Variants in SGK1 observed in about 807,000 individuals in gnomAD.
SGK1 encodes the protein serine/threonine-protein kinase Sgk1.
A neutral mutation model predicts 64.2 loss-of-function variants in SGK1; 26 were observed. That is an observed-to-expected ratio of 0.40 (90% CI 0.30 to 0.56). The LOEUF is 0.56. SGK1 is among the 20% of genes least tolerant of loss of function. The probability of loss-of-function intolerance (pLI) is 0.38; values close to 1 mark genes in which losing one functional copy is unlikely to be tolerated. For synonymous variants in SGK1, 265 were observed against 239.7 expected, an observed-to-expected ratio of 1.11 and a Z score of -0.98; for missense variants, 519 against 645.6, an observed-to-expected ratio of 0.80 and a Z score of 2.12.
intron 3 of SGK1, among the ~76,000 whole-genome samples, chr6:134,195,866 G>A (rs1355809902): frequency 3.3e-5 from 5 of 152,086 alleles, no homozygotes; most frequent in African/African-American, 7.2e-5. Context: ...AAACAAGTTT[G>A]GGGTCCAGTA....
chr6:134,298,572 C>T, intron 1 of SGK1: 1 of 878,320 alleles, frequency 1.1e-6, no homozygotes, highest in Non-Finnish European at 1.9e-6. Flanking sequence ...GCTGCTGCTG[C>T]CCACTCAGGA....
In SGK1 at chr6:134,174,045, G is replaced by T. The variant is rs866870260; in HGVS notation, c.473C>A (p.Pro158His). 2 of 1,613,574 alleles carry T rather than the reference G, an allele frequency of 1.2e-6. No homozygotes were observed. The highest frequency in any genetic ancestry group is 1.7e-4 in the Middle Eastern group (1 of 6,058). Reference sequence around the variant, plus strand: ...GGCATTCATAAGCTCAGGCTCCTGAGGTTGGGAGATCTTCAAGATGGACTG... The same window carrying T: ...GGCATTCATAAGCTCAGGCTCCTGATGTTGGGAGATCTTCAAGATGGACTG... ...EVQSILKISQ[P>H]QEPELMNANP... Residue 158 changes from proline to histidine, a missense_variant, in exon 5 of 14, where the codon CCT (proline) becomes CAT (histidine). By Grantham distance (77) the Pro-to-His change is moderately conservative. Around this residue, in one of 2 missense-constraint regions of SGK1, gnomAD observed 241 missense variants for 236.9 expected, o/e 1.02. Coordinates refer to ENST00000367858, the MANE Select transcript of SGK1 (RefSeq NM_001143676.3).
At chr6:134,247,011 T>A (rs1020722764) in intron 2 of SGK1, among the ~76,000 whole-genome samples, 4 of 152,138 alleles carry the variant, frequency 2.6e-5, no homozygotes, top group African/African-American at 9.6e-5. Flanking sequence ...GTGATTTATT[T>A]TTTTTTTTAA....
chr6:134,229,968 T>C (rs1010730065), intron 2 of SGK1, among the ~76,000 whole-genome samples: 2 of 152,146 alleles, frequency 1.3e-5, no homozygotes, highest in African/African-American at 4.8e-5. Flanking sequence ...CTTAAAGCCA[T>C]TAAAAAGCCT....
At chr6:134,202,867 A>C (rs1241331077) in intron 3 of SGK1, among the ~76,000 whole-genome samples, 1 of 152,204 alleles carries the variant, frequency 6.6e-6, no homozygotes, top group African/African-American at 2.4e-5. Context: ...TATGACAGCT[A>C]TAATATAAAA....
At chr6:134,291,886 C>T (rs191885002) in intron 1 of SGK1, among the ~76,000 whole-genome samples, 1 of 152,132 alleles carries the variant, frequency 6.6e-6, no homozygotes, top group African/African-American at 2.4e-5. Flanking sequence ...CATGGTGAAA[C>T]TCCGTCTCTA....
At chr6:134,182,385 A>G (rs1403203618) in intron 3 of SGK1, among the ~76,000 whole-genome samples, 2 of 151,970 alleles carry the variant, frequency 1.3e-5, no homozygotes, top group African/African-American at 4.8e-5. Flanking sequence ...CGTCTCTACT[A>G]AAAATACAAA....
At chr6:134,313,477 T>C (rs1230338552) in intron 1 of SGK1, among the ~76,000 whole-genome samples, 1 of 152,078 alleles carries the variant, frequency 6.6e-6, no homozygotes, top group Non-Finnish European at 1.5e-5. Context: ...ATTTTGTTCC[T>C]ACTCTATTTG....
chr6:134,317,726 G>A lies in SGK1; in HGVS notation c.-266C>T, dbSNP rs1777708774. The A allele has an allele frequency of 4.9e-6, 2 of 406,260 alleles. No homozygotes were observed. Among genetic ancestry groups the A allele is most frequent in the African/African-American group, 2.0e-5 (1 of 49,188 alleles). 25.2% of individuals were successfully genotyped at this position (406,260 alleles called of 1,614,324 possible). On this transcript the variant is annotated 5_prime_UTR_variant, in exon 1 of 14. Coordinates refer to ENST00000367858, the MANE Select transcript of SGK1 (RefSeq NM_001143676.3). ...TGCATCACCGCTGCAGGACCCTGGG[G>A]GCCGGACGGTGGGATACGGCCAATC...
chr6:134,225,352 GAA>G (rs1250043063), intron 2 of SGK1, among the ~76,000 whole-genome samples: 5 of 144,344 alleles, frequency 3.5e-5, no homozygotes, highest in African/African-American at 1.3e-4. Flanking sequence ...CTCCATCTCG[GAA>G]AAAAAAAAAA....
intron 11 of SGK1, 100 bp downstream of exon 11, chr6:134,171,537 C>A: frequency 1.3e-6 from 1 of 769,902 alleles, no homozygotes. Flanking sequence ...TTTTGATAAG[C>A]GTACTGGTAA....
At chr6:134,183,926 G>A (rs1249902982) in intron 3 of SGK1, among the ~76,000 whole-genome samples, 1 of 140,594 alleles carries the variant, frequency 7.1e-6, no homozygotes, top group Non-Finnish European at 1.5e-5. Flanking sequence ...AATCTCAGGT[G>A]TTTCTCTGGA....
chr6:134,284,587 C>T (rs780006593), intron 1 of SGK1, among the ~76,000 whole-genome samples: 1 of 151,392 alleles, frequency 6.6e-6, no homozygotes, highest in Non-Finnish European at 1.5e-5. Flanking sequence ...TAGGTTCAAG[C>T]GATTCTCCTG....
At chr6:134,256,731 A>T (rs939619067) in intron 2 of SGK1, among the ~76,000 whole-genome samples, 2 of 152,110 alleles carry the variant, frequency 1.3e-5, no homozygotes, top group Non-Finnish European at 2.9e-5. Context: ...CTAAGTTATC[A>T]TCTTTCCCAC....
chr6:134,172,172 C>G, intron 10 of SGK1, 21 bp downstream of exon 10: 1 of 1,610,500 alleles, frequency 6.2e-7, no homozygotes, highest in Non-Finnish European at 8.5e-7. Context: ...AAACCAGGCA[C>G]CAAACCAAGA....
At chr6:134,264,355 A>G (rs555132378) in intron 1 of SGK1, among the ~76,000 whole-genome samples, 56 of 151,990 alleles carry the variant, frequency 3.7e-4, no homozygotes, top group South Asian at 2.5e-3. Context: ...TCCTGACCTC[A>G]TGATCCGCCC....
intron 3 of SGK1, among the ~76,000 whole-genome samples, chr6:134,202,060 A>AAAAAAT (rs569466866): frequency 4.6e-5 from 7 of 152,190 alleles, no homozygotes; most frequent in Non-Finnish European, 5.9e-5. Flanking sequence ...TCAAACTGAT[A>AAAAAAT]AAAAATAAAA....
chr6:134,307,462 G>C (rs974285066), intron 1 of SGK1, among the ~76,000 whole-genome samples: 2 of 152,176 alleles, frequency 1.3e-5, no homozygotes, highest in African/African-American at 4.8e-5. Flanking sequence ...CTCTGCGGGG[G>C]ATTGATTCCA....
chr6:134,298,192 T>C, intron 1 of SGK1: 1 of 1,502,382 alleles, frequency 6.7e-7, no homozygotes, highest in Non-Finnish European at 9.2e-7. Flanking sequence ...CACCAGCCCC[T>C]GCATGTTGCC....
Sources: allele counts gnomAD v4.1 joint callset (sites outside exome capture counted in the v4.1 genomes callset), GRCh38; gene constraint gnomAD v4.1.1; regional missense constraint gnomAD v4.1.1; transcripts MANE v1.5; gene names NCBI Gene and HGNC (gene_info 2026-07-23, HGNC 2026-07-21).